Variants in MEGF11 observed in about 807,000 individuals in gnomAD.
MEGF11 encodes multiple EGF like domains 11, also known as multiple epidermal growth factor-like domains protein 11.
MEGF11 carries 126 observed loss-of-function variants against 146.6 expected under a neutral mutation model. The observed-to-expected ratio is 0.86, with a 90% CI of 0.74 to 1.00. MEGF11 has a LOEUF of 1.00. Among genes scored for constraint, MEGF11 ranks in the 50% least tolerant of loss-of-function variants. The pLI, the probability that MEGF11 is intolerant of heterozygous loss-of-function variation, is 0.00. For synonymous variants in MEGF11, 532 were observed against 583.4 expected, an observed-to-expected ratio of 0.91 and a Z score of 1.27; for missense variants, 1,509 against 1,521.2, an observed-to-expected ratio of 0.99 and a Z score of 0.13.
intron 8 of MEGF11, 103 bp from the exon 9 acceptor site, chr15:65,965,223 G>A: frequency 1.1e-6 from 1 of 937,704 alleles, no homozygotes; most frequent in Non-Finnish European, 1.6e-6. Flanking sequence ...GCCCAGGCCT[G>A]GTGTGCTCCA....
intron 1 of MEGF11, among the ~76,000 whole-genome samples, chr15:66,191,503 GTGT>G (rs2090876731): frequency 6.6e-6 from 1 of 152,184 alleles, no homozygotes; most frequent in African/African-American, 2.4e-5. Context: ...GGTTGCGGGG[GTGT>G]TAAGTCTGGC....
chr15:66,211,394 G>C (rs936667182), intron 1 of MEGF11, among the ~76,000 whole-genome samples: 5 of 152,072 alleles, frequency 3.3e-5, no homozygotes, highest in Admixed American at 3.3e-4. Context: ...CATGGTGGCA[G>C]GCACCTGTAG....
At chr15:65,911,256 A>C (rs977114226) in intron 21 of MEGF11, among the ~76,000 whole-genome samples, 2 of 152,270 alleles carry the variant, frequency 1.3e-5, no homozygotes, top group African/African-American at 2.4e-5. Context: ...TTCAGACTGC[A>C]ACAAACGGTT....
At chr15:65,955,777 T>TAG (rs1209942224) in intron 10 of MEGF11, among the ~76,000 whole-genome samples, 188 of 10,420 alleles carry the variant, frequency 0.018, 9 homozygotes, top group Middle Eastern at 0.083. Flanking sequence ...TATATATATA[T>TAG]ATATATATAT....
chr15:65,984,334 T>C (rs1369175003), intron 5 of MEGF11, among the ~76,000 whole-genome samples: 1 of 152,016 alleles, frequency 6.6e-6, no homozygotes, highest in East Asian at 1.9e-4. Context: ...AAGAACAGCC[T>C]GGGCAACACG....
chr15:66,008,080 A>C (rs1472901139), intron 5 of MEGF11, among the ~76,000 whole-genome samples: 1 of 152,204 alleles, frequency 6.6e-6, no homozygotes, highest in Non-Finnish European at 1.5e-5. Context: ...GGGGAAACAC[A>C]GGGTCATCAA....
In MEGF11 at chr15:65,973,211, A is replaced by C. The variant is rs114930933; in HGVS notation, c.763-2522T>G. Among the ~76,000 whole-genome samples, 855 of 138,584 alleles carry C rather than the reference A, an allele frequency of 6.2e-3. 6 individuals carry two copies. The highest frequency in any genetic ancestry group is 0.02 in the African/African-American group (808 of 40,540). The allele number at this position is 138,584 out of a possible 152,430, so 90.9% of individuals were successfully genotyped here. ...AGAAGACAGAGGTAAAAGGAATCCC[A>C]GGATAGCAGTGAAAGGAAGCCCCAG... On this transcript the variant is annotated intron_variant, in intron 7 of 25. Coordinates refer to ENST00000395614, the MANE Select transcript of MEGF11 (RefSeq NM_001385028.1).
chr15:65,957,795 C>T, intron 9 of MEGF11, 74 bp from the exon 10 acceptor site: 1 of 1,476,848 alleles, frequency 6.8e-7, no homozygotes. Flanking sequence ...CTGTCTACCC[C>T]AAGCCTGGCT....
At chr15:66,194,304 A>G (rs757648509) in intron 1 of MEGF11, among the ~76,000 whole-genome samples, 7 of 152,202 alleles carry the variant, frequency 4.6e-5, no homozygotes, top group Admixed American at 1.3e-4. Context: ...GTGAGGACAC[A>G]AAGGCATAAG....
chr15:66,059,660 T>C (rs1055708049), intron 5 of MEGF11, among the ~76,000 whole-genome samples: 7 of 149,894 alleles, frequency 4.7e-5, no homozygotes, highest in Non-Finnish European at 3.0e-5. Flanking sequence ...TGAACTGTGC[T>C]GGCTGAGGAG....
chr15:66,097,865 T>C (rs2086620410), intron 4 of MEGF11, among the ~76,000 whole-genome samples: 1 of 151,776 alleles, frequency 6.6e-6, no homozygotes, highest in African/African-American at 2.4e-5. Flanking sequence ...TCGCACAGGG[T>C]AAGATGAGTA....
At chr15:66,034,034 C>T (rs767376408) in intron 5 of MEGF11, among the ~76,000 whole-genome samples, 14 of 152,200 alleles carry the variant, frequency 9.2e-5, no homozygotes, top group Non-Finnish European at 1.6e-4. Flanking sequence ...TTGTGATCCA[C>T]CTGCCTCGGC....
At chr15:66,106,209 C>T (rs757492710) in intron 4 of MEGF11, among the ~76,000 whole-genome samples, 1 of 152,230 alleles carries the variant, frequency 6.6e-6, no homozygotes, top group Non-Finnish European at 1.5e-5. Context: ...AGGTGACTCT[C>T]AGGAGAGTCT....
At chr15:66,021,494 A>G (rs1416479778) in intron 5 of MEGF11, among the ~76,000 whole-genome samples, 1 of 152,244 alleles carries the variant, frequency 6.6e-6, no homozygotes, top group East Asian at 1.9e-4. Context: ...AAAAAAGTCA[A>G]TAATGCTGTC....
chr15:66,076,584 C>T (rs533109699), intron 5 of MEGF11, among the ~76,000 whole-genome samples: 6 of 152,172 alleles, frequency 3.9e-5, no homozygotes, highest in African/African-American at 1.2e-4. Flanking sequence ...TGCTTTGGGG[C>T]AGCACCAGGG....
At chr15:66,249,063 C>T (rs150239752) in intron 1 of MEGF11, among the ~76,000 whole-genome samples, 2 of 152,326 alleles carry the variant, frequency 1.3e-5, no homozygotes, top group East Asian at 3.9e-4. Context: ...CAAGTTGAAA[C>T]ACAAACTCTC....
chr15:65,919,552 T>G (rs2079109029), intron 15 of MEGF11, among the ~76,000 whole-genome samples: 1 of 152,004 alleles, frequency 6.6e-6, no homozygotes, highest in Non-Finnish European at 1.5e-5. Context: ...AAAAAAATGC[T>G]GACACAGACA....
At chr15:66,235,026 G>A (rs1289280042) in intron 1 of MEGF11, among the ~76,000 whole-genome samples, 2 of 152,034 alleles carry the variant, frequency 1.3e-5, no homozygotes, top group Non-Finnish European at 2.9e-5. Flanking sequence ...CACCCTCCAC[G>A]CCTACTCTGC....
chr15:65,986,353 G>A (rs2081856863), intron 5 of MEGF11, among the ~76,000 whole-genome samples: 1 of 152,156 alleles, frequency 6.6e-6, no homozygotes, highest in African/African-American at 2.4e-5. Context: ...AAAGCAACTT[G>A]CAGCCATTAA....
Sources: gnomAD v4.1 joint callset for allele counts (sites outside exome capture counted in the v4.1 genomes callset) on GRCh38, gnomAD v4.1.1 for gene constraint, MANE v1.5 for transcripts, NCBI Gene and HGNC (gene_info 2026-07-23, HGNC 2026-07-21) for gene names.